CALN1: variants seen among roughly 807,000 people sequenced by gnomAD.
The protein encoded by CALN1 is calcium-binding protein 8.
Under a neutral mutation model 30.6 loss-of-function variants are expected in CALN1, and 17 were observed. That is an observed-to-expected ratio of 0.56 (90% CI 0.38 to 0.83). The LOEUF is 0.83. Ranked by LOEUF, CALN1 falls within the 40% of genes least tolerant of loss-of-function variation. CALN1 has a pLI of 0.00. For missense variants in CALN1, 291 were observed against 354.9 expected, an observed-to-expected ratio of 0.82 and a Z score of 1.45; for synonymous variants, 156 against 131.4, an observed-to-expected ratio of 1.19 and a Z score of -1.28.
intron 2 of CALN1, among the ~76,000 whole-genome samples, chr7:72,381,546 T>C (rs1173614936): frequency 3.3e-5 from 5 of 152,188 alleles, no homozygotes; most frequent in Non-Finnish European, 7.3e-5. Context: ...TATGAGTCCT[T>C]CGCAGGGGCA....
chr7:72,047,887 A>G (rs1474502572), intron 4 of CALN1, among the ~76,000 whole-genome samples: 1 of 152,132 alleles, frequency 6.6e-6, no homozygotes, highest in East Asian at 1.9e-4. Flanking sequence ...AAAACGGGAA[A>G]GTGCTGCAGA....
intron 3 of CALN1, among the ~76,000 whole-genome samples, chr7:72,214,438 C>T (rs1360164082): frequency 2.0e-5 from 3 of 151,944 alleles, no homozygotes; most frequent in South Asian, 2.1e-4. Context: ...AAGATCGCTC[C>T]ACTGCACTCC....
chr7:72,256,139 T>C (rs1795898518), intron 3 of CALN1, among the ~76,000 whole-genome samples: 1 of 152,210 alleles, frequency 6.6e-6, no homozygotes, highest in Non-Finnish European at 1.5e-5. Flanking sequence ...TTTTTGCCCC[T>C]ACACTTCAAG....
chr7:71,941,709 G>T (rs1167739021), intron 5 of CALN1, among the ~76,000 whole-genome samples: 1 of 152,166 alleles, frequency 6.6e-6, no homozygotes, highest in Non-Finnish European at 1.5e-5. Flanking sequence ...CTGGGAAGAG[G>T]GTTAGTTAGC....
intron 2 of CALN1, among the ~76,000 whole-genome samples, chr7:72,348,281 G>C: frequency 6.6e-6 from 1 of 152,198 alleles, no homozygotes; most frequent in Non-Finnish European, 1.5e-5. Context: ...TGATCCACGT[G>C]AGAAGAGGTA....
intron 5 of CALN1, among the ~76,000 whole-genome samples, chr7:71,995,963 CAA>C (rs1014215371): frequency 2.6e-5 from 4 of 152,072 alleles, no homozygotes; most frequent in African/African-American, 9.7e-5. Context: ...TCTCCTCCCG[CAA>C]AGAGATACAC....
chr7:72,196,828 C>T (rs973900894), intron 3 of CALN1, among the ~76,000 whole-genome samples: 3 of 152,134 alleles, frequency 2.0e-5, no homozygotes, highest in Non-Finnish European at 4.4e-5. Context: ...AAAACTGGGT[C>T]ATTTGCCCAG....
At chr7:72,241,828 T>TA (rs1422483237) in intron 3 of CALN1, among the ~76,000 whole-genome samples, 6 of 152,180 alleles carry the variant, frequency 3.9e-5, no homozygotes, top group African/African-American at 1.4e-4. Context: ...CCATGCCATC[T>TA]AAAAAGTAAA....
intron 2 of CALN1, among the ~76,000 whole-genome samples, chr7:72,349,667 G>C (rs995422384): frequency 6.6e-6 from 1 of 152,200 alleles, no homozygotes; most frequent in Non-Finnish European, 1.5e-5. Flanking sequence ...TGACGGTTTT[G>C]ACTTGCATGT....
intron 3 of CALN1, among the ~76,000 whole-genome samples, chr7:72,260,336 C>A (rs889710161): frequency 3.9e-5 from 6 of 152,144 alleles, no homozygotes; most frequent in African/African-American, 1.4e-4. Flanking sequence ...GTTTGTTGAA[C>A]TCCATATGAC....
chr7:72,106,185 C>G lies in CALN1; in HGVS notation c.354G>C (p.Glu118Asp), dbSNP rs1263634363. 1 of 1,614,026 alleles carries G rather than the reference C, an allele frequency of 6.2e-7. No homozygotes were observed. Among genetic ancestry groups the G allele is most frequent in the South Asian group, 1.1e-5 (1 of 91,050 alleles). The part of the protein sequence containing the change: ...RSLGYMPSEV[E>D]LAIIMQRLDM... ...CCAAGCGCTGCATGATGATGGCCAG[C>G]TCCACCTCGCTTGGCATGTACCCCA... Residue 118 changes from glutamate (E) to aspartate (D), a missense_variant, in exon 4 of 7, where the codon GAG becomes GAC. By Grantham distance (45) the Glu-to-Asp change is conservative (BLOSUM62 2). This residue lies in a region of CALN1 where 169 missense variants were observed against 251.7 expected (regional missense o/e 0.67). Transcript: ENST00000395275.
At chr7:71,903,138 A>C (rs1243031014) in intron 5 of CALN1, among the ~76,000 whole-genome samples, 1 of 152,080 alleles carries the variant, frequency 6.6e-6, no homozygotes, top group Non-Finnish European at 1.5e-5. Context: ...AGACTTCACC[A>C]CTATACAATA....
chr7:71,889,979 AAAAG>A (rs1350524283), intron 5 of CALN1, among the ~76,000 whole-genome samples: 1 of 152,114 alleles, frequency 6.6e-6, no homozygotes, highest in East Asian at 1.9e-4. Context: ...AAAAAAAAAA[AAAAG>A]AATTGGTCAC....
intron 5 of CALN1, among the ~76,000 whole-genome samples, chr7:72,016,119 G>C (rs1176610011): frequency 4.0e-5 from 6 of 151,800 alleles, no homozygotes; most frequent in Non-Finnish European, 8.8e-5. Flanking sequence ...TATGGTGGTG[G>C]GCGTCTGTAA....
At position 72,397,744 on chromosome 7, in the gene CALN1, A is replaced by ACACACACACACACACACC. The variant is rs1806069431; in HGVS notation, c.119+5506_119+5507insGGTGTGTGTGTGTGTGTG. 2.0e-5 allele frequency among the ~76,000 whole-genome samples: 3 copies of ACACACACACACACACACC among 150,816 alleles called. No homozygotes were observed. In the East Asian group the frequency reaches 5.9e-4, roughly 30 times the overall value. On this transcript the variant is annotated intron_variant, in intron 2 of 6. Coordinates refer to ENST00000395275, the MANE Select transcript of CALN1 (RefSeq NM_031468.4). The stretch of plus-strand genomic sequence containing the variant: ...CACACACACACACACACACACACAC[A>ACACACACACACACACACC]CACACACCTTGCTCCAACCAAAGTG...
chr7:72,263,895 C>T (rs1796441661), intron 3 of CALN1, among the ~76,000 whole-genome samples: 1 of 152,144 alleles, frequency 6.6e-6, no homozygotes, highest in South Asian at 2.1e-4. Context: ...AATTAATGTC[C>T]TCCTGCAGGC....
chr7:72,251,505 T>G (rs1159309339), intron 3 of CALN1, among the ~76,000 whole-genome samples: 1 of 152,004 alleles, frequency 6.6e-6, no homozygotes, highest in Non-Finnish European at 1.5e-5. Context: ...GCTTAAGCAG[T>G]CCTCCCACAT....
chr7:72,221,121 T>G (rs567535899), intron 3 of CALN1, among the ~76,000 whole-genome samples: 1 of 152,146 alleles, frequency 6.6e-6, no homozygotes, highest in South Asian at 2.1e-4. Context: ...CCTTGCAAAT[T>G]TGCAACAATT....
chr7:72,483,738 T>C, the CALN1 span, among the ~76,000 whole-genome samples: 1 of 152,242 alleles, frequency 6.6e-6, no homozygotes. Context: ...TACACATTTA[T>C]TCGGTTGCTT....
Sources: gnomAD v4.1 joint callset for allele counts (sites outside exome capture counted in the v4.1 genomes callset) on GRCh38, gnomAD v4.1.1 for gene constraint, gnomAD v4.1.1 regional missense constraint, MANE v1.5 for transcripts, NCBI Gene and HGNC (gene_info 2026-07-23, HGNC 2026-07-21) for gene names.